The following AANAT variants were observed in gnomAD, a reference collection of about 807,000 sequenced individuals.
AANAT encodes the protein aralkylamine N-acetyltransferase, also known as serotonin N-acetyltransferase.
In AANAT, 11 loss-of-function variants were observed where a neutral mutation model predicts 15.6. The ratio of observed to expected loss-of-function variants is 0.71; its 90% CI spans 0.44 to 1.17. AANAT has a LOEUF of 1.17. AANAT is among the 50% of genes most tolerant of loss of function. The pLI is 0.00. For synonymous variants in AANAT, 139 were observed against 131.5 expected (o/e 1.06, Z -0.39); for missense variants, 286 against 296.3 (o/e 0.97, Z 0.26).
upstream of AANAT, among the ~76,000 whole-genome samples, chr17:76,464,666 G>C (rs2073420021): frequency 6.6e-6 from 1 of 152,138 alleles, no homozygotes; most frequent in Non-Finnish European, 1.5e-5. Flanking sequence ...GCCTCCCAAA[G>C]TGCTGGGATT....
At chr17:76,465,766 C>T, upstream of AANAT, 1 of 252,560 alleles carries the variant, frequency 4.0e-6, no homozygotes, top group Non-Finnish European at 7.9e-6. Flanking sequence ...GATCACCCTG[C>T]CCTCCCCTGT....
chr17:76,459,855 G>A (rs1478951631), intron 2 of AANAT, among the ~76,000 whole-genome samples: 2 of 152,220 alleles, frequency 1.3e-5, no homozygotes, highest in South Asian at 4.1e-4. Flanking sequence ...CTTTTCTTAG[G>A]AATTCATTTC....
exon 2 of AANAT, chr17:76,459,364 T>C (rs573078643): frequency 6.6e-6 from 1 of 152,268 alleles, no homozygotes; most frequent in Non-Finnish European, 1.5e-5. Context: ...TGACCAGCCA[T>C]AGGTACAAAG....
At chr17:76,454,061 G>A (rs2073311615) in intron 1 of AANAT, among the ~76,000 whole-genome samples, 1 of 152,232 alleles carries the variant, frequency 6.6e-6, no homozygotes. Flanking sequence ...AAGTAGAACA[G>A]TGCCTGGCAT....
At chr17:76,460,231 C>T (rs929988771) in intron 2 of AANAT, among the ~76,000 whole-genome samples, 2 of 146,798 alleles carry the variant, frequency 1.4e-5, no homozygotes, top group African/African-American at 5.1e-5. Flanking sequence ...TCACTGCAAC[C>T]TCCGCATCCC....
Position 76,467,669 on chromosome 17 carries a change from A to G in AANAT, c.-134A>G, listed in dbSNP as rs1226088942. The G allele has an allele frequency of 5.1e-6, 5 of 985,390 alleles. No individual in the cohort carries two copies. The highest frequency in any genetic ancestry group is 6.0e-6 in the Non-Finnish European group (5 of 829,994). The allele number at this position is 985,390 out of a possible 1,614,324, so 61.0% of individuals were successfully genotyped here. ...TTTACTGGTTCCCGTGCCTGCGGAC[A>G]GGCCCCCAGGGCTAGCGGCTTTGTG... On this transcript the variant is annotated 5_prime_UTR_variant, in exon 1 of 4. Transcript: ENST00000392492.
upstream of AANAT, among the ~76,000 whole-genome samples, chr17:76,465,292 C>T (rs140643318): frequency 8.0e-3 from 1,209 of 150,402 alleles, 14 homozygotes; most frequent in African/African-American, 0.027. Flanking sequence ...GTGTCCCTGG[C>T]GTGAGGATGA....
chr17:76,457,464 G>A (rs1386407465), intron 1 of AANAT, among the ~76,000 whole-genome samples: 1 of 152,060 alleles, frequency 6.6e-6, no homozygotes, highest in Non-Finnish European at 1.5e-5. Context: ...GAGTAATATC[G>A]GCACTCCTGG....
intron 1 of AANAT, among the ~76,000 whole-genome samples, chr17:76,454,282 C>G (rs1213457275): frequency 6.6e-6 from 1 of 151,402 alleles, no homozygotes; most frequent in Non-Finnish European, 1.5e-5. Flanking sequence ...TGAGACCATC[C>G]TGGCCAACAT....
upstream of AANAT, chr17:76,465,974 C>A: frequency 1.7e-6 from 1 of 584,266 alleles, no homozygotes; most frequent in Non-Finnish European, 3.1e-6. Context: ...CTCTGTCTCC[C>A]AAAGTGCTGG....
chr17:76,461,733 TG>T (rs2073391136), intron 2 of AANAT, among the ~76,000 whole-genome samples: 1 of 151,108 alleles, frequency 6.6e-6, no homozygotes, highest in African/African-American at 2.4e-5. Flanking sequence ...GTGTAAGGAC[TG>T]GGGGGCTGGA....
At chr17:76,464,414 A>C (rs536057231), upstream of AANAT, among the ~76,000 whole-genome samples, 1 of 151,888 alleles carries the variant, frequency 6.6e-6, no homozygotes, top group Admixed American at 6.6e-5. Context: ...TTTTCATGGG[A>C]CCGAAGAGCC....
intron 1 of AANAT, among the ~76,000 whole-genome samples, chr17:76,457,716 C>T (rs541020923): frequency 1.3e-5 from 2 of 152,262 alleles, no homozygotes; most frequent in African/African-American, 4.8e-5. Context: ...TAGGACAGTA[C>T]CTGGCATAGG....
Position 76,456,054 on chromosome 17 carries a change from G to A in AANAT, c.-576+2272G>A, listed in dbSNP as rs186617445. 1.2e-4 allele frequency among the ~76,000 whole-genome samples: 18 copies of A among 152,146 alleles called. No homozygotes were observed. In the East Asian group the frequency reaches 1.7e-3, roughly 15 times the overall value. On this transcript the variant is annotated intron_variant, in intron 1 of 6. Transcript: ENST00000250615. ...AAGTTAAAAGAACATGCACAAGGTCGGGCACGGTGGCTCACGCCTGTAATC... is the reference window on the plus strand; with the variant it reads ...AAGTTAAAAGAACATGCACAAGGTCAGGCACGGTGGCTCACGCCTGTAATC...
chr17:76,455,147 C>T (rs1015020619), intron 1 of AANAT, among the ~76,000 whole-genome samples: 4 of 151,108 alleles, frequency 2.6e-5, no homozygotes, highest in African/African-American at 4.9e-5. Flanking sequence ...AACTCTAGGC[C>T]GGGCACAGTG....
intron 1 of AANAT, among the ~76,000 whole-genome samples, chr17:76,455,653 C>A (rs1449657392): frequency 6.6e-6 from 1 of 152,140 alleles, no homozygotes; most frequent in African/African-American, 2.4e-5. Context: ...TATTTAGGTT[C>A]TTCAAAGAAG....
chr17:76,467,471 G>C (rs1282500440), upstream of AANAT: 2 of 890,952 alleles, frequency 2.2e-6, no homozygotes, highest in African/African-American at 3.6e-5. Context: ...CAGGGCACCA[G>C]AGCTGACGTT....
In AANAT at chr17:76,469,093, G is replaced by A; in HGVS notation, c.164-80G>A. ...TTTTCCTGTGGGGAACGGGGCATCTGAGTGGACACTCGGGGTGCAGCAGAC... is the reference window on the plus strand; with the variant it reads ...TTTTCCTGTGGGGAACGGGGCATCTAAGTGGACACTCGGGGTGCAGCAGAC... On this transcript the variant is annotated intron_variant, in intron 2 of 3. Transcript: ENST00000392492. This position sits in a 1 kb window ranked among gnomAD's most constrained non-coding sequence, Gnocchi z 5.2. The A allele has an allele frequency of 6.3e-7, 1 of 1,584,682 alleles. No homozygotes were observed. Among genetic ancestry groups the A allele is most frequent in the Non-Finnish European group, 8.6e-7 (1 of 1,160,968 alleles).
chr17:76,460,994 G>A (rs1261137505), intron 2 of AANAT, among the ~76,000 whole-genome samples: 1 of 151,654 alleles, frequency 6.6e-6, no homozygotes, highest in African/African-American at 2.4e-5. Flanking sequence ...GTGAAACCCC[G>A]TCTCTACTAA....
Sources: allele counts gnomAD v4.1 joint callset (sites outside exome capture counted in the v4.1 genomes callset), GRCh38; gene constraint gnomAD v4.1.1; non-coding constraint Gnocchi (gnomAD v3.1); transcripts MANE v1.5; gene names NCBI Gene and HGNC (gene_info 2026-07-23, HGNC 2026-07-21).